ACBD6: variants seen among roughly 807,000 people sequenced by gnomAD.
The protein encoded by ACBD6 is acyl-CoA binding domain containing 6.
In ACBD6, 28 loss-of-function variants were observed where a neutral mutation model predicts 37.2. The ratio of observed to expected loss-of-function variants is 0.75; its 90% CI spans 0.56 to 1.03. ACBD6 has a LOEUF of 1.03. Ranked by LOEUF, ACBD6 falls within the 50% of genes least tolerant of loss-of-function variation. The pLI, the probability that ACBD6 is intolerant of heterozygous loss-of-function variation, is 0.00. For synonymous variants in ACBD6, 113 were observed against 126.8 expected (o/e 0.89, Z 0.73); for missense variants, 340 against 337.4 (o/e 1.01, Z -0.06).
At chr1:180,430,347 C>T (rs746109375) in intron 3 of ACBD6, 85 bp from the exon 4 acceptor site, 2 of 1,127,304 alleles carry the variant, frequency 1.8e-6, no homozygotes, top group Non-Finnish European at 2.7e-6. Flanking sequence ...TGTTATTTTG[C>T]TAAGAAAGAC....
At chr1:180,487,632 G>A (rs1463283527) in intron 3 of ACBD6, among the ~76,000 whole-genome samples, 1 of 152,096 alleles carries the variant, frequency 6.6e-6, no homozygotes, top group African/African-American at 2.4e-5. Context: ...GCAATTCAGT[G>A]TGCCAAAGAG....
chr1:180,390,801 C>A (rs1654043380), intron 6 of ACBD6, among the ~76,000 whole-genome samples: 1 of 151,976 alleles, frequency 6.6e-6, no homozygotes, highest in South Asian at 2.1e-4. Flanking sequence ...TTATTAAAAT[C>A]TTCACTGCCT....
chr1:180,415,574 A>C (rs779581602), intron 4 of ACBD6, among the ~76,000 whole-genome samples: 21 of 152,226 alleles, frequency 1.4e-4, no homozygotes, highest in Non-Finnish European at 2.5e-4. Context: ...TTTTAAAGTC[A>C]TAGCAATACT....
chr1:180,282,524 GT>G (rs994264092), intron 8 of ACBD6, among the ~76,000 whole-genome samples: 9 of 152,170 alleles, frequency 5.9e-5, no homozygotes, highest in African/African-American at 1.9e-4. Context: ...CCTGGGACTA[GT>G]TTATTATCTC....
At chr1:180,424,520 G>C (rs1259941179) in intron 4 of ACBD6, among the ~76,000 whole-genome samples, 3 of 152,186 alleles carry the variant, frequency 2.0e-5, no homozygotes, top group Non-Finnish European at 2.9e-5. Context: ...CATTAGATGA[G>C]ATGGTAAGGG....
At chr1:180,435,819 TG>T in intron 3 of ACBD6, 2 of 998,080 alleles carry the variant, frequency 2.0e-6, no homozygotes, top group Non-Finnish European at 3.2e-6. Context: ...TCCAGCCTGA[TG>T]GGTTTAGGAT....
downstream of ACBD6, among the ~76,000 whole-genome samples, chr1:180,285,296 A>G (rs1038695412): frequency 2.0e-5 from 3 of 152,182 alleles, no homozygotes; most frequent in Non-Finnish European, 4.4e-5. Context: ...CCAATTTTGG[A>G]TATGTTAAAA....
rs1040874416 is a variant in ACBD6, at chr1:180,425,612, C to A, written c.467+4568G>T. Reference sequence around the variant, plus strand: ...TTTTTTAAAACACAAATATGTAGAACACATACTCTTGAAGCTTAAGAATCT... The same window carrying A: ...TTTTTTAAAACACAAATATGTAGAAAACATACTCTTGAAGCTTAAGAATCT... On this transcript the variant is annotated intron_variant, in intron 4 of 7. Transcript: ENST00000367595. Among the ~76,000 whole-genome samples, 8 of 152,232 alleles carry A rather than the reference C, an allele frequency of 5.3e-5. No individual in the cohort carries two copies. In the South Asian group the frequency reaches 8.3e-4, roughly 16 times the overall value.
chr1:180,489,081 G>A (rs72716632), intron 3 of ACBD6, among the ~76,000 whole-genome samples: 23,994 of 152,058 alleles, frequency 0.16, 1,954 homozygotes, highest in Middle Eastern at 0.22. Context: ...CAGAAGAATT[G>A]TTTGAACCTG....
chr1:180,492,467 G>T, intron 2 of ACBD6, 102 bp from the exon 3 acceptor site: 2 of 872,638 alleles, frequency 2.3e-6, no homozygotes, highest in Non-Finnish European at 3.8e-6. Flanking sequence ...AAGGGTCTCT[G>T]AATATAGAGA....
exon 14 of ACBD6, chr1:180,270,857 GAC>G: frequency 4.9e-6 from 1 of 203,836 alleles, no homozygotes; most frequent in Non-Finnish European, 1.0e-5. Flanking sequence ...AACCTGCTTA[GAC>G]ACTGTTGGGT....
chr1:180,397,492 A>C, intron 6 of ACBD6, 24 bp downstream of exon 6: 1 of 1,588,486 alleles, frequency 6.3e-7, no homozygotes, highest in Non-Finnish European at 8.6e-7. Context: ...TTAAAAAATA[A>C]AAGCTCTTCT....
intron 6 of ACBD6, among the ~76,000 whole-genome samples, chr1:180,351,433 G>A (rs1652415178): frequency 6.6e-6 from 1 of 151,934 alleles, no homozygotes; most frequent in Non-Finnish European, 1.5e-5. Flanking sequence ...GTGCCACCAT[G>A]CCTGGCTAAT....
chr1:180,437,293 C>A (rs888171268), intron 3 of ACBD6, among the ~76,000 whole-genome samples: 1 of 152,092 alleles, frequency 6.6e-6, no homozygotes, highest in Non-Finnish European at 1.5e-5. Flanking sequence ...ATTCTGGAGA[C>A]CGGGGCTTGT....
chr1:180,294,756 A>G (rs1269088527), intron 7 of ACBD6, among the ~76,000 whole-genome samples: 3 of 151,014 alleles, frequency 2.0e-5, no homozygotes, highest in Admixed American at 6.6e-5. Flanking sequence ...GTGCGGTGGC[A>G]CAATCATAAC....
At chr1:180,350,694 C>T in intron 6 of ACBD6, among the ~76,000 whole-genome samples, 1 of 152,154 alleles carries the variant, frequency 6.6e-6, no homozygotes, top group East Asian at 1.9e-4. Flanking sequence ...CTTCAAATAT[C>T]ACCTAGCCTT....
Position 180,502,133 on chromosome 1 carries a change from A to G in ACBD6, c.134T>C (p.Leu45Pro). 1 of 1,614,016 alleles carries G rather than the reference A, an allele frequency of 6.2e-7. No homozygotes were observed. The highest frequency in any genetic ancestry group is 8.5e-7 in the Non-Finnish European group (1 of 1,179,972). The change falls in exon 1 of 8, where the codon CTG (leucine) becomes CCG (proline). Residue 45 changes from leucine (L) to proline (P), a missense_variant. Coordinates refer to ENST00000367595, the MANE Select transcript of ACBD6 (RefSeq NM_032360.4). ...EIEETSCLAE[L>P]FEKAAAHLQG... ...CAGGTGCGCGGCAGCCTTCTCAAAC[A>G]GCTCGGCCAGGCAACTGGTCTCCTC...
chr1:180,402,488 T>C (rs986066870), intron 5 of ACBD6, among the ~76,000 whole-genome samples: 35 of 152,234 alleles, frequency 2.3e-4, no homozygotes, highest in African/African-American at 7.7e-4. Flanking sequence ...GTGTTGCTTA[T>C]TTGTCAGGAA....
intron 6 of ACBD6, among the ~76,000 whole-genome samples, chr1:180,316,551 C>T (rs1169389525): frequency 6.6e-6 from 1 of 152,150 alleles, no homozygotes; most frequent in Non-Finnish European, 1.5e-5. Flanking sequence ...TTGTGCATAA[C>T]TTTCATGTTT....
Sources: allele counts gnomAD v4.1 joint callset (sites outside exome capture counted in the v4.1 genomes callset), GRCh38; gene constraint gnomAD v4.1.1; transcripts MANE v1.5; gene names NCBI Gene and HGNC (gene_info 2026-07-23, HGNC 2026-07-21).